LRCH3: variants seen among roughly 807,000 people sequenced by gnomAD.
The protein encoded by LRCH3 is DISP complex protein LRCH3.
LRCH3 carries 68 observed loss-of-function variants against 104.5 expected under a neutral mutation model. The ratio of observed to expected loss-of-function variants is 0.65; its 90% confidence interval spans 0.54 to 0.80. LRCH3 has a LOEUF of 0.80. Among genes scored for constraint, LRCH3 ranks in the 30% least tolerant of loss-of-function variants. The pLI, the probability that LRCH3 is intolerant of heterozygous loss-of-function variation, is 0.00. For synonymous variants in LRCH3, 344 were observed against 361.3 expected (o/e 0.95, Z 0.54); for missense variants, 951 against 953.9 (o/e 1.00, Z 0.04).
chr3:197,840,173 C>T (rs1737583123), intron 10 of LRCH3, among the ~76,000 whole-genome samples: 1 of 151,952 alleles, frequency 6.6e-6, no homozygotes, highest in Admixed American at 6.6e-5. Flanking sequence ...TGCGGTGGCT[C>T]ATATCTGTAA....
chr3:197,869,894 T>C (rs182388994), intron 17 of LRCH3, among the ~76,000 whole-genome samples: 2,633 of 147,840 alleles, frequency 0.018, 23 homozygotes, highest in Non-Finnish European at 0.029. Flanking sequence ...GCAGTGTACC[T>C]GCAGGAGGTA....
In LRCH3 at chr3:197,832,245, A is replaced by G. The variant is rs1736047590; in HGVS notation, c.1030A>G (p.Lys344Glu). 1.3e-5 allele frequency: 21 copies of G among 1,613,716 alleles called. No individual in the cohort carries two copies. Among genetic ancestry groups the G allele is most frequent in the Non-Finnish European group, 1.8e-5 (21 of 1,179,758 alleles). The change falls in exon 8 of 21, where the codon AAA becomes GAA. Residue 344 changes from lysine (K) to glutamate (E), a missense_variant. Transcript: ENST00000425562. ...DLPLRVAEIT[K>E]EQRLRRESQY... ...GCCTCTTCGAGTAGCAGAGATTACT[A>G]AAGAACAAAGACTACGAAGAGAAAG...
At chr3:197,850,920 G>C (rs1032217530) in intron 12 of LRCH3, 5 of 828,248 alleles carry the variant, frequency 6.0e-6, no homozygotes, top group Middle Eastern at 3.4e-4. Context: ...GCATGATTTC[G>C]TGGGGTTCTC....
chr3:197,813,810 C>T (rs1028485142), intron 1 of LRCH3, among the ~76,000 whole-genome samples: 1 of 152,012 alleles, frequency 6.6e-6, no homozygotes, highest in South Asian at 2.1e-4. Context: ...GGATTACAGG[C>T]GTGAGCCACC....
intron 1 of LRCH3, among the ~76,000 whole-genome samples, chr3:197,803,237 T>C (rs1228802647): frequency 1.3e-5 from 2 of 152,222 alleles, no homozygotes; most frequent in South Asian, 2.1e-4. Context: ...CTTAGTCAGA[T>C]AATGTGGTCA....
intron 17 of LRCH3, among the ~76,000 whole-genome samples, chr3:197,869,142 C>T (rs1045509003): frequency 5.3e-5 from 8 of 152,156 alleles, no homozygotes; most frequent in Non-Finnish European, 8.8e-5. Flanking sequence ...ATATACTGTA[C>T]TTGCAGGAAG....
chr3:197,881,759 AAAGG>A (rs1560066987), intron 20 of LRCH3: 1 of 985,332 alleles, frequency 1.0e-6, no homozygotes, highest in East Asian at 1.1e-4. Flanking sequence ...AAATTGGGAT[AAAGG>A]ATGAACTCAA....
At chr3:197,869,027 G>T (rs1056939807) in intron 17 of LRCH3, among the ~76,000 whole-genome samples, 2 of 152,140 alleles carry the variant, frequency 1.3e-5, no homozygotes, top group African/African-American at 4.8e-5. Flanking sequence ...GAGTCAACTG[G>T]GTAATGAACA....
intron 15 of LRCH3, chr3:197,859,233 C>A: frequency 4.2e-6 from 1 of 237,708 alleles, no homozygotes; most frequent in Non-Finnish European, 8.3e-6. Flanking sequence ...GTCTAATGTG[C>A]ATGCAAAATA....
intron 7 of LRCH3, among the ~76,000 whole-genome samples, chr3:197,831,489 T>C (rs886844718): frequency 2.0e-5 from 3 of 152,126 alleles, no homozygotes; most frequent in African/African-American, 7.2e-5. Context: ...TTACTGTGAA[T>C]TGAAACCAAA....
chr3:197,876,537 CA>C (rs1712910789), intron 20 of LRCH3, among the ~76,000 whole-genome samples: 1 of 152,088 alleles, frequency 6.6e-6, no homozygotes, highest in Non-Finnish European at 1.5e-5. Flanking sequence ...TATATTAAAC[CA>C]ACTAAGTATT....
chr3:197,870,215 C>T lies in LRCH3; in HGVS notation c.1929C>T (p.Ser643=), dbSNP rs1184894120. The part of the protein sequence containing the change: ...SAAPTTDSTD[S]ITGQNSRQRE... ...CACCTACCACTGATTCTACAGATTC[C>T]ATAACAGGACAGAATTCAAGACAGA... The change falls in exon 18 of 21, where the codon TCC becomes TCT. Residue 643 remains serine (S), a synonymous_variant. Transcript: ENST00000425562. 2 of 1,612,996 alleles carry T rather than the reference C, an allele frequency of 1.2e-6. No homozygotes were observed. Among genetic ancestry groups the T allele is most frequent in the Admixed American group, 3.3e-5 (2 of 60,008 alleles).
In LRCH3 at chr3:197,847,410, G is replaced by T. The variant is rs1363035506; in HGVS notation, c.1330G>T (p.Val444Phe). The T allele has an allele frequency of 6.3e-7, 1 of 1,593,350 alleles. No individual in the cohort carries two copies. The highest frequency in any genetic ancestry group is 1.8e-5 in the Admixed American group (1 of 56,194). ...TTTCTTTTTTCTTTTTTGGGTCAGG[G>T]TTCCAGCTGAGCCATCTTCCCTCCT... Reference protein sequence around the residue: ...DMRRYLHQNRVPAEPSSLLSL... With the variant: ...DMRRYLHQNRFPAEPSSLLSL... The change falls in exon 11 of 21, where the codon GTT becomes TTT. Residue 444 changes from valine to phenylalanine, a missense_variant and splice_region_variant. Val to Phe is a conservative substitution (Grantham distance 50). Coordinates refer to ENST00000425562, the MANE Select transcript of LRCH3 (RefSeq NM_001365715.1).
intron 10 of LRCH3, among the ~76,000 whole-genome samples, chr3:197,847,125 C>T (rs533569448): frequency 1.3e-5 from 2 of 152,322 alleles, no homozygotes; most frequent in South Asian, 4.1e-4. Context: ...AGAAATGATG[C>T]TGTTTGCAAG....
chr3:197,791,978 A>G (rs1448535103), intron 1 of LRCH3, among the ~76,000 whole-genome samples: 1 of 152,100 alleles, frequency 6.6e-6, no homozygotes, highest in Admixed American at 6.5e-5. Context: ...GGTCGGTCTC[A>G]GCCCTGGAGT....
At position 197,865,424 on chromosome 3, in the gene LRCH3, G is replaced by A. The variant is rs368972705; in HGVS notation, c.1718G>A (p.Ser573Asn). Reference protein sequence around the residue: ...PHSSAFTPLKSDDRPNALLSS... With the variant: ...PHSSAFTPLKNDDRPNALLSS... ...TGATATATGTCTGTTTCTCCACAGAGTGATGACAGACCTAATGCTCTATTA... is the reference window on the plus strand; with the variant it reads ...TGATATATGTCTGTTTCTCCACAGAATGATGACAGACCTAATGCTCTATTA... The change falls in exon 16 of 21, where the codon AGT (serine) becomes AAT (asparagine). Residue 573 changes from serine (S) to asparagine (N), a missense_variant and splice_region_variant. Physicochemically the swap from Ser to Asn is conservative, Grantham distance 46. Coordinates refer to ENST00000425562, the MANE Select transcript of LRCH3 (RefSeq NM_001365715.1). 5.1e-6 allele frequency: 8 copies of A among 1,570,224 alleles called. No homozygotes were observed. The African/African-American group carries it at 5.5e-5, about 11-fold the overall frequency.
At chr3:197,830,578 C>G (rs1735798762) in intron 6 of LRCH3, 192 bp from the exon 7 acceptor site, 2 of 526,602 alleles carry the variant, frequency 3.8e-6, no homozygotes, top group Non-Finnish European at 6.8e-6. Flanking sequence ...ATAATGAGTA[C>G]ATGAGGTCTC....
In LRCH3 at chr3:197,854,332, T is replaced by TA; in HGVS notation, c.1591-59dup. 7.1e-7 allele frequency: 1 copy of TA among 1,407,948 alleles called. No individual in the cohort carries two copies. The highest frequency in any genetic ancestry group is 1.2e-5 in the South Asian group (1 of 86,946). 87.2% of individuals were successfully genotyped at this position (1,407,948 alleles called of 1,614,324 possible). ...TTCCCTTGTGTGTGTATTCGTGAAA[T>TA]ACGTCACACGTGTGCGTAGTTTGTT... is the stretch of plus-strand genomic sequence containing the variant. On this transcript the variant is annotated intron_variant, in intron 13 of 20. Coordinates refer to ENST00000425562, the MANE Select transcript of LRCH3 (RefSeq NM_001365715.1). This position sits in a 1 kb window ranked among gnomAD's most constrained non-coding sequence, Gnocchi z 4.5.
rs963998915 is a variant in LRCH3, at chr3:197,880,950, G to A, written c.2209-2591G>A. 1.7e-5 allele frequency: 23 copies of A among 1,388,804 alleles called. No homozygotes were observed. The East Asian group carries it at 4.7e-4, about 28-fold the overall frequency. 86.0% of individuals were successfully genotyped at this position (1,388,804 alleles called of 1,614,324 possible). On this transcript the variant is annotated intron_variant, in intron 20 of 20. Coordinates refer to ENST00000425562, the MANE Select transcript of LRCH3 (RefSeq NM_001365715.1). ...CCAGCATTTTTTCTCCTGGTCATCC[G>A]TCCATTCTCCTGGCCTGTGGCCTTG... is the stretch of plus-strand genomic sequence containing the variant.
Sources: allele counts gnomAD v4.1 joint callset (sites outside exome capture counted in the v4.1 genomes callset), GRCh38; gene constraint gnomAD v4.1.1; non-coding constraint Gnocchi (gnomAD v3.1); transcripts MANE v1.5; gene names NCBI Gene and HGNC (gene_info 2026-07-23, HGNC 2026-07-21).